Variants in APOBEC3F observed in about 807,000 individuals in gnomAD.
The protein encoded by APOBEC3F is DNA dC->dU-editing enzyme APOBEC-3F.
Under a neutral mutation model 45.8 loss-of-function variants are expected in APOBEC3F, and 34 were observed. The observed-to-expected ratio is 0.74, with a 90% CI of 0.57 to 0.99. APOBEC3F has a LOEUF of 0.99. Among genes scored for constraint, APOBEC3F ranks in the 50% least tolerant of loss-of-function variants. APOBEC3F has a pLI of 0.00. For synonymous variants in APOBEC3F, 192 were observed against 174.4 expected (o/e 1.10, Z -0.80); for missense variants, 459 against 474.1 (o/e 0.97, Z 0.30).
chr22:39,049,228 C>T (rs2146347679), intron 4 of APOBEC3F, among the ~76,000 whole-genome samples, 197 bp from the exon 5 acceptor site: 1 of 152,222 alleles, frequency 6.6e-6, no homozygotes, highest in East Asian at 1.9e-4. Flanking sequence ...AGGCCCAGAG[C>T]TGTGGTTCCA....
intron 4 of APOBEC3F, among the ~76,000 whole-genome samples, chr22:39,045,876 A>T (rs553148428): frequency 7.9e-5 from 12 of 151,890 alleles, no homozygotes; most frequent in African/African-American, 2.6e-4. Context: ...AGTGGGCATG[A>T]ATATTCACAA....
rs776723659 is a variant in APOBEC3F at position 39,042,992 on chromosome 22, C to T, written c.73C>T (p.Pro25Ser). ...ATTCTCCTACAACTTTTATAATAGACCCATCCTTTCTCGTCGGAATACCGT... is the reference window on the plus strand; with the variant it reads ...ATTCTCCTACAACTTTTATAATAGATCCATCCTTTCTCGTCGGAATACCGT... Reference protein sequence around the residue: ...DTFSYNFYNRPILSRRNTVWL... With the variant: ...DTFSYNFYNRSILSRRNTVWL... The change falls in exon 2 of 7, where the codon CCC becomes TCC. Residue 25 changes from proline to serine, a missense_variant. Physicochemically the swap from Pro to Ser is moderately conservative, Grantham distance 74. Coordinates refer to ENST00000308521, the MANE Select transcript of APOBEC3F (RefSeq NM_145298.6). 1 of 1,614,056 alleles carries T rather than the reference C, an allele frequency of 6.2e-7. No individual in the cohort carries two copies. Among genetic ancestry groups the T allele is most frequent in the African/African-American group, 1.3e-5 (1 of 74,920 alleles).
chr22:39,049,892 G>A (rs1029464810), intron 5 of APOBEC3F, among the ~76,000 whole-genome samples: 7 of 151,556 alleles, frequency 4.6e-5, no homozygotes, highest in African/African-American at 9.7e-5. Flanking sequence ...TAGTAGAGAC[G>A]GGGTTTCACC....
intron 1 of APOBEC3F, among the ~76,000 whole-genome samples, chr22:39,042,046 C>A (rs1469153244): frequency 1.3e-5 from 2 of 152,200 alleles, no homozygotes; most frequent in Non-Finnish European, 2.9e-5. Flanking sequence ...CAGCCCCATC[C>A]GTCCCCAGCT....
chr22:39,052,157 C>G lies in APOBEC3F; in HGVS notation c.807C>G (p.Tyr269Ter). ...CDDILSPNTNYEVTWYTSWSP... is the reference protein window; with the variant it reads ...CDDILSPNTN ...ACATACTGTCTCCTAACACAAACTA[C>G]GAGGTCACCTGGTACACATCTTGGA... The change falls in exon 6 of 7, where the codon TAC becomes TAG. Residue 269 changes from tyrosine (Y) to a stop codon, truncating the protein, a stop_gained. Coordinates refer to ENST00000308521, the MANE Select transcript of APOBEC3F (RefSeq NM_145298.6). LOFTEE classifies it high-confidence loss of function. 1 of 1,614,070 alleles carries G rather than the reference C, an allele frequency of 6.2e-7. No homozygotes were observed. Among genetic ancestry groups the G allele is most frequent in the Non-Finnish European group, 8.5e-7 (1 of 1,179,954 alleles).
At position 39,042,997 on chromosome 22, in the gene APOBEC3F, C is replaced by A. The variant is rs1383287266; in HGVS notation, c.78C>A (p.Ile26=). The change falls in exon 2 of 7, where the codon ATC becomes ATA. Residue 26 remains isoleucine, a synonymous_variant. Coordinates refer to ENST00000308521, the MANE Select transcript of APOBEC3F (RefSeq NM_145298.6). ...TFSYNFYNRP[I]LSRRNTVWLC... ...CCTACAACTTTTATAATAGACCCAT[C>A]CTTTCTCGTCGGAATACCGTCTGGC... 1 of 1,614,204 alleles carries A rather than the reference C, an allele frequency of 6.2e-7. No homozygotes were observed. Among genetic ancestry groups the A allele is most frequent in the South Asian group, 1.1e-5 (1 of 91,084 alleles).
rs5757451 is a variant in APOBEC3F, at chr22:39,052,745, T to C, written c.*50T>C. ...TGTCTCCTCTAGCCTCCTGCTCATG[T>C]TGTGCAGGCCTCCCCTCCATCCTGG... On this transcript the variant is annotated 3_prime_UTR_variant, in exon 7 of 7. Transcript: ENST00000308521. 821,342 of 1,579,790 alleles carry C rather than the reference T, an allele frequency of 0.52. 218,577 individuals carry two copies. The highest frequency in any genetic ancestry group is 0.71 in the East Asian group (31,635 of 44,682).
At position 39,055,370 on chromosome 22, in the gene APOBEC3F, CT is replaced by C. The variant is rs34714612; in HGVS notation, c.*2689del. Among the ~76,000 whole-genome samples, 276 of 142,672 alleles carry C rather than the reference CT, an allele frequency of 1.9e-3. No individual in the cohort carries two copies. Among genetic ancestry groups the C allele is most frequent in the Admixed American group, 3.0e-3 (43 of 14,180 alleles). The allele number at this position is 142,672 out of a possible 152,430, so 93.6% of individuals were successfully genotyped here. On this transcript the variant is annotated 3_prime_UTR_variant, in exon 7 of 7. Coordinates refer to ENST00000308521, the MANE Select transcript of APOBEC3F (RefSeq NM_145298.6). ...TACAGATATAAGCCACCATACACAA[CT>C]TTTTTTTTTTTTTGAGATGGAGTTT...
At chr22:39,045,380 G>T (rs756858502) in intron 3 of APOBEC3F, 48 bp from the exon 4 acceptor site, 2 of 1,613,610 alleles carry the variant, frequency 1.2e-6, no homozygotes, top group South Asian at 2.2e-5. Context: ...GGGAGCGCGG[G>T]CCCAGGGTCA....
At chr22:39,048,765 C>T (rs900957381) in intron 4 of APOBEC3F, among the ~76,000 whole-genome samples, 2 of 152,078 alleles carry the variant, frequency 1.3e-5, no homozygotes, top group South Asian at 4.1e-4. Context: ...CGAGATTGTG[C>T]CACTGCACTC....
At chr22:39,045,390 A>G (rs1263888717) in intron 3 of APOBEC3F, 38 bp from the exon 4 acceptor site, 1 of 1,613,932 alleles carries the variant, frequency 6.2e-7, no homozygotes, top group Non-Finnish European at 8.5e-7. Context: ...GCCCAGGGTC[A>G]GGGCAGAGCC....
chr22:39,044,934 C>T lies in APOBEC3F; in HGVS notation c.172-7C>T. On this transcript the variant is annotated splice_region_variant and splice_polypyrimidine_tract_variant and intron_variant, in intron 2 of 6. Coordinates refer to ENST00000308521, the MANE Select transcript of APOBEC3F (RefSeq NM_145298.6). ...AGAGCATCCCCTGCCCCCTGCTCCT[C>T]TCCCAGGTGTATTCCCAGCCTGAGC... 6.2e-7 allele frequency: 1 copy of T among 1,613,222 alleles called. No individual in the cohort carries two copies. The highest frequency in any genetic ancestry group is 8.5e-7 in the Non-Finnish European group (1 of 1,179,388).
At chr22:39,045,332 C>T (rs1368921441) in intron 3 of APOBEC3F, 96 bp from the exon 4 acceptor site, 3 of 1,604,304 alleles carry the variant, frequency 1.9e-6, no homozygotes, top group Non-Finnish European at 2.6e-6. Flanking sequence ...GGGGCGGGGC[C>T]AGCACTGACA....
intron 2 of APOBEC3F, chr22:39,044,328 G>A (rs116637572): frequency 6.4e-6 from 9 of 1,415,394 alleles, no homozygotes; most frequent in East Asian, 2.6e-5. Flanking sequence ...ACTTCCAAAC[G>A]AAGGGAAGCT....
chr22:39,049,540 C>T lies in APOBEC3F; in HGVS notation c.682C>T (p.His228Tyr). ...LCFTMEVVKH[H>Y]SPVSWKRGVF... ...CTTCACCATGGAAGTTGTAAAGCAC[C>T]ACTCACCTGTCTCCTGGAAGAGGGG... The change falls in exon 5 of 7, where the codon CAC becomes TAC. Residue 228 changes from histidine (H) to tyrosine (Y), a missense_variant. Coordinates refer to ENST00000308521, the MANE Select transcript of APOBEC3F (RefSeq NM_145298.6). 6.2e-7 allele frequency: 1 copy of T among 1,614,004 alleles called. No homozygotes were observed. The highest frequency in any genetic ancestry group is 8.5e-7 in the Non-Finnish European group (1 of 1,179,986).
chr22:39,052,382 G>A lies in APOBEC3F; in HGVS notation c.1003+29G>A, dbSNP rs572270495. ...AGACGTTGGGGGGCTGAGGAGAGTGGGTGCGGGAGGGACAGCATGAGGGGC... is the reference window on the plus strand; with the variant it reads ...AGACGTTGGGGGGCTGAGGAGAGTGAGTGCGGGAGGGACAGCATGAGGGGC... On this transcript the variant is annotated intron_variant, in intron 6 of 6. Transcript: ENST00000308521. 38 of 1,610,510 alleles carry A rather than the reference G, an allele frequency of 2.4e-5. 1 individual carries two copies. In the South Asian group the frequency reaches 3.5e-4, roughly 15 times the overall value.
chr22:39,043,961 G>A (rs1349144231), intron 2 of APOBEC3F: 3 of 1,372,736 alleles, frequency 2.2e-6, no homozygotes, highest in East Asian at 5.6e-5. Flanking sequence ...TGAGGCAGAG[G>A]TTGTAGTGAG....
chr22:39,049,652 G>T (rs1018399668), intron 5 of APOBEC3F, 71 bp downstream of exon 5: 23 of 1,554,150 alleles, frequency 1.5e-5, no homozygotes, highest in Non-Finnish European at 1.9e-5. Context: ...CACAATAAGT[G>T]ACGTGCCTGG....
chr22:39,044,034 A>G, intron 2 of APOBEC3F: 1 of 1,493,216 alleles, frequency 6.7e-7, no homozygotes, highest in Non-Finnish European at 9.0e-7. Context: ...TCAAAACAAA[A>G]ACAAAAAACA....
Sources: allele counts gnomAD v4.1 joint callset (sites outside exome capture counted in the v4.1 genomes callset), GRCh38; gene constraint gnomAD v4.1.1; transcripts MANE v1.5; gene names NCBI Gene and HGNC (gene_info 2026-07-23, HGNC 2026-07-21).